PDGFRL: variants seen among roughly 807,000 people sequenced by gnomAD.
PDGFRL encodes the protein platelet derived growth factor receptor like, also known as platelet-derived growth factor receptor-like protein.
Under a neutral mutation model 37.2 loss-of-function variants are expected in PDGFRL, and 46 were observed. The observed-to-expected ratio is 1.24, with a 90% CI of 0.98 to 1.58. The LOEUF (loss-of-function observed/expected upper bound fraction) is 1.58, where lower values mean the gene tolerates loss of function less well. Ranked by LOEUF, PDGFRL falls within the 40% of genes most tolerant of loss-of-function variation. The pLI, the probability that PDGFRL is intolerant of heterozygous loss-of-function variation, is 0.00. For synonymous variants in PDGFRL, 251 were observed against 184.3 expected, an observed-to-expected ratio of 1.36 and a Z score of -2.93; for missense variants, 692 against 467.6, an observed-to-expected ratio of 1.48 and a Z score of -4.43.
chr8:17,595,500 C>G (rs1329333775), intron 2 of PDGFRL, among the ~76,000 whole-genome samples: 1 of 152,160 alleles, frequency 6.6e-6, no homozygotes, highest in Non-Finnish European at 1.5e-5. Flanking sequence ...TTCTGTCTGG[C>G]CTGGAGGTTT....
intron 1 of PDGFRL, among the ~76,000 whole-genome samples, chr8:17,582,695 G>A (rs1803733328): frequency 6.6e-6 from 1 of 152,068 alleles, no homozygotes; most frequent in South Asian, 2.1e-4. Context: ...TGGAAAATCT[G>A]AAGCCTGGCC....
At chr8:17,598,928 T>C (rs1432898700) in intron 2 of PDGFRL, among the ~76,000 whole-genome samples, 1 of 152,224 alleles carries the variant, frequency 6.6e-6, no homozygotes, top group East Asian at 1.9e-4. Context: ...ACCAGGATTG[T>C]GAGACCTCCC....
chr8:17,607,595 T>C (rs1440157394), intron 2 of PDGFRL, among the ~76,000 whole-genome samples: 1 of 152,158 alleles, frequency 6.6e-6, no homozygotes, highest in Non-Finnish European at 1.5e-5. Flanking sequence ...TAGATGATAA[T>C]TTTGGGGCAT....
rs143154525 is a variant in PDGFRL, at chr8:17,625,139, C to CTT, written c.506-3348_506-3347insTT. 1.9e-4 allele frequency among the ~76,000 whole-genome samples: 24 copies of CTT among 123,730 alleles called. 1 individual carries two copies. Among genetic ancestry groups the CTT allele is most frequent in the African/African-American group, 7.5e-4 (24 of 31,814 alleles). The allele number at this position is 123,730 out of a possible 152,430, so 81.2% of individuals were successfully genotyped here. On this transcript the variant is annotated intron_variant, in intron 3 of 5. Transcript: ENST00000251630. The stretch of plus-strand genomic sequence containing the variant: ...ATATCTCCTAAAGCTATCCCTCCCC[C>CTT]CCCCGCATTTTTTTGTTTTTTTGTC...
At chr8:17,634,532 A>C (rs1020370330) in intron 5 of PDGFRL, among the ~76,000 whole-genome samples, 6 of 152,074 alleles carry the variant, frequency 3.9e-5, no homozygotes, top group African/African-American at 1.4e-4. Flanking sequence ...TGCTCATTGC[A>C]GCGCCATTCA....
intron 2 of PDGFRL, among the ~76,000 whole-genome samples, chr8:17,613,930 T>C (rs1804472260): frequency 6.6e-6 from 1 of 152,162 alleles, no homozygotes; most frequent in Admixed American, 6.5e-5. Flanking sequence ...GTGATTGCAG[T>C]AGAGAGACCT....
At chr8:17,596,281 C>T (rs946551882) in intron 2 of PDGFRL, 6 of 1,039,172 alleles carry the variant, frequency 5.8e-6, no homozygotes, top group South Asian at 4.9e-5. Flanking sequence ...GTAAAATGGC[C>T]CACTGGCCAG....
chr8:17,641,188 C>G (rs1331762584), intron 5 of PDGFRL, among the ~76,000 whole-genome samples: 1 of 152,198 alleles, frequency 6.6e-6, no homozygotes, highest in Non-Finnish European at 1.5e-5. Flanking sequence ...TTGTCCCAGG[C>G]TACCAGCCTC....
chr8:17,614,742 C>G (rs1044481209), intron 2 of PDGFRL, among the ~76,000 whole-genome samples: 3 of 152,158 alleles, frequency 2.0e-5, no homozygotes, highest in African/African-American at 7.2e-5. Flanking sequence ...TGACATCCAG[C>G]TAATTTTTAA....
chr8:17,594,202 C>G (rs1444015994), intron 2 of PDGFRL, among the ~76,000 whole-genome samples: 1 of 152,034 alleles, frequency 6.6e-6, no homozygotes, highest in East Asian at 1.9e-4. Flanking sequence ...ACGTGGTTTC[C>G]TCTTTGTTTA....
intron 2 of PDGFRL, among the ~76,000 whole-genome samples, chr8:17,597,994 C>G (rs547557215): frequency 4.0e-5 from 2 of 50,102 alleles, no homozygotes; most frequent in Admixed American, 4.3e-4. Flanking sequence ...ACCTAGTTCC[C>G]AGCTTGTGGC....
chr8:17,599,655 T>C (rs1804126432), intron 2 of PDGFRL, among the ~76,000 whole-genome samples: 1 of 152,224 alleles, frequency 6.6e-6, no homozygotes, highest in African/African-American at 2.4e-5. Flanking sequence ...TCACGTTTGC[T>C]TGGCAAAATC....
intron 1 of PDGFRL, among the ~76,000 whole-genome samples, chr8:17,585,230 T>C (rs962832874): frequency 1.3e-5 from 2 of 152,154 alleles, no homozygotes; most frequent in African/African-American, 4.8e-5. Context: ...ACAACCTGTT[T>C]TATCAGCAAG....
At chr8:17,601,498 A>G (rs867738109) in intron 2 of PDGFRL, among the ~76,000 whole-genome samples, 3 of 149,622 alleles carry the variant, frequency 2.0e-5, no homozygotes, top group East Asian at 2.0e-4. Flanking sequence ...TTGAGCGTGT[A>G]TATGTGCAGG....
intron 2 of PDGFRL, among the ~76,000 whole-genome samples, chr8:17,620,678 CAGT>C (rs1412102541): frequency 1.3e-5 from 2 of 151,984 alleles, no homozygotes; most frequent in African/African-American, 2.4e-5. Context: ...AATATGAAAA[CAGT>C]AGTAAAATCC....
intron 1 of PDGFRL, among the ~76,000 whole-genome samples, chr8:17,585,281 C>T (rs1274837299): frequency 6.6e-6 from 1 of 152,074 alleles, no homozygotes; most frequent in African/African-American, 2.4e-5. Context: ...CCTGTCTCAT[C>T]CTGTGACGAA....
In PDGFRL at chr8:17,592,583, G is replaced by T. The variant is rs575879119; in HGVS notation, c.353+2818G>T. Among the ~76,000 whole-genome samples the T allele has an allele frequency of 5.9e-5, 9 of 152,208 alleles. No individual in the cohort carries two copies. The East Asian group carries it at 1.7e-3, about 29-fold the overall frequency. ...CAGACACTCTGCTTTCGCTGCCCTG[G>T]GCTCCTGTGAGATTCTCAAAAGCGC... On this transcript the variant is annotated intron_variant, in intron 2 of 5. Transcript: ENST00000251630.
intron 2 of PDGFRL, among the ~76,000 whole-genome samples, chr8:17,607,553 C>A (rs528758433): frequency 6.6e-6 from 1 of 152,082 alleles, no homozygotes; most frequent in African/African-American, 2.4e-5. Flanking sequence ...TGCGTTAAAC[C>A]AAAGACACTG....
chr8:17,588,136 T>C (rs1025403305), intron 1 of PDGFRL, among the ~76,000 whole-genome samples: 4 of 131,024 alleles, frequency 3.1e-5, no homozygotes, highest in Admixed American at 8.7e-5. Context: ...TTATTATCAC[T>C]ATTTGCCAGC....
Sources: allele counts gnomAD v4.1 joint callset (sites outside exome capture counted in the v4.1 genomes callset), GRCh38; gene constraint gnomAD v4.1.1; transcripts MANE v1.5; gene names NCBI Gene and HGNC (gene_info 2026-07-23, HGNC 2026-07-21).